CDK16: variants seen among roughly 807,000 people sequenced by gnomAD.
CDK16 encodes the protein cyclin-dependent kinase 16.
In CDK16, 2 loss-of-function variants were observed where a neutral mutation model predicts 41.6. The ratio of observed to expected loss-of-function variants is 0.05; its 90% confidence interval spans 0.02 to 0.15. The LOEUF (loss-of-function observed/expected upper bound fraction) is 0.15. CDK16 is among the 10% of genes least tolerant of loss of function. The pLI is 1.00. For missense variants in CDK16, 228 were observed against 428.9 expected (o/e 0.53, Z 4.14); for synonymous variants, 169 against 169.7 (o/e 1.00, Z 0.03).
intron 1 of CDK16, among the ~76,000 whole-genome samples, chrX:47,221,851 G>T (rs1282395142): frequency 1.8e-5 from 2 of 111,504 alleles, no homozygotes; most frequent in Non-Finnish European, 3.8e-5. Flanking sequence ...GAACTGCTGG[G>T]GGAAGCACCT....
Position 47,218,831 on chromosome X carries a change from C to G in CDK16, c.-281C>G. On this transcript the variant is annotated 5_prime_UTR_variant, in exon 1 of 16. Coordinates refer to ENST00000357227, the MANE Select transcript of CDK16 (RefSeq NM_006201.5). ...GCCGCCGTGAGCACTCGGATTCAAG[C>G]CGGCGCCAACGAGTCCGGGGGCATC... The G allele has an allele frequency of 8.8e-7, 1 of 1,140,764 alleles. No homozygotes were observed. The highest frequency in any genetic ancestry group is 1.2e-6 in the Non-Finnish European group (1 of 864,468). The allele number at this position is 1,140,764 out of a possible 1,213,427, so 94.0% of individuals were successfully genotyped here. A position where few individuals can be genotyped will look rare whatever the true frequency, so the allele number is the denominator to read the frequency against.
rs1346917491 is a variant in CDK16 at position 47,229,078 on chromosome X, A to C, written c.*310A>C. On this transcript the variant is annotated 3_prime_UTR_variant, in exon 16 of 16. Transcript: ENST00000357227. ...CACACTGAGGCCAGGTCTACCCCCC[A>C]TCATACCAGCCCCCAGGACCACTAC... 7.9e-6 allele frequency: 3 copies of C among 379,886 alleles called. No homozygotes were observed. The highest frequency in any genetic ancestry group is 1.4e-5 in the Non-Finnish European group (3 of 210,990). The allele number at this position is 379,886 out of a possible 1,213,427, so 31.3% of individuals were successfully genotyped here.
intron 1 of CDK16, chrX:47,223,183 A>T (rs1458239302): frequency 4.3e-6 from 5 of 1,156,580 alleles, no homozygotes; most frequent in Non-Finnish European, 5.7e-6. Flanking sequence ...TGGGCCCATC[A>T]CTGCAGCTGT....
intron 4 of CDK16, 34 bp downstream of exon 4, chrX:47,224,777 C>T (rs750218615): frequency 4.2e-5 from 51 of 1,209,295 alleles, no homozygotes; most frequent in Non-Finnish European, 5.5e-5. Context: ...TCTCCTTTTT[C>T]TTCTCTCCCA....
Position 47,224,978 on chromosome X carries a change from C to T in CDK16, c.520-10C>T, listed in dbSNP as rs1186476211. 14 of 1,201,536 alleles carry T rather than the reference C, an allele frequency of 1.2e-5. No homozygotes were observed. The highest frequency in any genetic ancestry group is 1.8e-5 in the African/African-American group (1 of 56,634). On this transcript the variant is annotated splice_polypyrimidine_tract_variant and intron_variant, in intron 5 of 15. Transcript: ENST00000357227. ...TAGCACCTCTCCTGTCACACTTCCTCACATTCCAGGGTACCTATGCCACCG... is the reference window on the plus strand; with the variant it reads ...TAGCACCTCTCCTGTCACACTTCCTTACATTCCAGGGTACCTATGCCACCG...
Position 47,229,504 on chromosome X carries a change from C to T in CDK16, c.*736C>T, listed in dbSNP as rs182364342. ...CCACAGCCACTCGCCTTCCTACCCCCGCCCGCCATCCCCAGTTGCAGGGGG... is the reference window on the plus strand; with the variant it reads ...CCACAGCCACTCGCCTTCCTACCCCTGCCCGCCATCCCCAGTTGCAGGGGG... On this transcript the variant is annotated 3_prime_UTR_variant, in exon 16 of 16. Transcript: ENST00000357227. 544 of 266,815 alleles carry T rather than the reference C, an allele frequency of 2.0e-3. 3 individuals are homozygous for T. The East Asian group carries it at 0.045, about 22-fold the overall frequency. 22.0% of individuals were successfully genotyped at this position (266,815 alleles called of 1,213,427 possible). A position where few individuals can be genotyped will look rare whatever the true frequency, so the allele number is the denominator to read the frequency against.
At chrX:47,226,098 G>A (rs1569227750) in intron 8 of CDK16, 71 bp downstream of exon 8, 1 of 1,136,860 alleles carries the variant, frequency 8.8e-7, no homozygotes, top group South Asian at 1.9e-5. Context: ...AAATCTCCCA[G>A]AAACGGACTT....
At chrX:47,226,466 C>T (rs924716455) in intron 9 of CDK16, 64 bp downstream of exon 9, 61 of 1,196,666 alleles carry the variant, frequency 5.1e-5, no homozygotes, top group Non-Finnish European at 6.7e-5. Context: ...ACCACTTAGT[C>T]TCACTTCCCT....
At position 47,224,704 on chromosome X, in the gene CDK16, T is replaced by C; in HGVS notation, c.423T>C (p.Phe141=). The C allele has an allele frequency of 1.7e-6, 2 of 1,211,771 alleles. No homozygotes were observed. The highest frequency in any genetic ancestry group is 2.2e-6 in the Non-Finnish European group (2 of 895,500). ...AGCTGACCCTCAATAGCCCCATCTTTGACAAGCCCCTCAGCCGCCGCCTCC... is the reference window on the plus strand; with the variant it reads ...AGCTGACCCTCAATAGCCCCATCTTCGACAAGCCCCTCAGCCGCCGCCTCC... ...LEKLTLNSPI[F]DKPLSRRLRR... The change falls in exon 4 of 16, where the codon TTT becomes TTC. Residue 141 remains phenylalanine (F), a synonymous_variant. Coordinates refer to ENST00000357227, the MANE Select transcript of CDK16 (RefSeq NM_006201.5).
rs1003733980 is a variant in CDK16, at chrX:47,227,269, T to G, written c.1284+46T>G. 4 of 1,139,277 alleles carry G rather than the reference T, an allele frequency of 3.5e-6. 1 individual carries two copies. In the Admixed American group the frequency reaches 9.2e-5, roughly 26 times the overall value. 93.9% of individuals were successfully genotyped at this position (1,139,277 alleles called of 1,213,427 possible). ...CCTTGGGGGTATGGGATTCCAAGTGTGGGGAAACAGGGACCCCCCCCCTCA... is the reference window on the plus strand; with the variant it reads ...CCTTGGGGGTATGGGATTCCAAGTGGGGGGAAACAGGGACCCCCCCCCTCA... On this transcript the variant is annotated intron_variant, in intron 13 of 15. Coordinates refer to ENST00000357227, the MANE Select transcript of CDK16 (RefSeq NM_006201.5).
At position 47,227,365 on chromosome X, in the gene CDK16, G is replaced by A. The variant is rs184059826; in HGVS notation, c.1285-14G>A. 1.2e-5 allele frequency: 14 copies of A among 1,185,307 alleles called. No individual in the cohort carries two copies. Among genetic ancestry groups the A allele is most frequent in the East Asian group, 3.0e-5 (1 of 33,516 alleles). On this transcript the variant is annotated splice_polypyrimidine_tract_variant and intron_variant, in intron 13 of 15. Transcript: ENST00000357227. ...AGATATCAATACTATCCCCCTCCCC[G>A]CACCCCCACTCAGTTTGAGGGTCGA...
At chrX:47,218,509 G>A, upstream of CDK16, 1 of 917,103 alleles carries the variant, frequency 1.1e-6, no homozygotes, top group Non-Finnish European at 1.4e-6. Context: ...TCACCTAGGC[G>A]CTAGCAAACT....
chrX:47,224,062 G>A (rs1321892933), intron 2 of CDK16, among the ~76,000 whole-genome samples: 1 of 111,280 alleles, frequency 9.0e-6, no homozygotes, highest in Non-Finnish European at 1.9e-5. Flanking sequence ...CAGTCCTCTG[G>A]TACCTGCCTG....
intron 1 of CDK16, chrX:47,222,970 C>CCGGGGAGA: frequency 1.1e-6 from 1 of 875,932 alleles, no homozygotes; most frequent in Non-Finnish European, 1.5e-6. Context: ...CCCCCCCCAC[C>CCGGGGAGA]TGGGTAGATG....
At chrX:47,222,678 G>A (rs1341917649) in intron 1 of CDK16, among the ~76,000 whole-genome samples, 4 of 102,833 alleles carry the variant, frequency 3.9e-5, no homozygotes, top group East Asian at 3.1e-4. Flanking sequence ...GGGGGGGGCC[G>A]TGGGCAAGAG....
At chrX:47,226,506 C>T in intron 9 of CDK16, 77 bp from the exon 10 acceptor site, 1 of 1,194,576 alleles carries the variant, frequency 8.4e-7, no homozygotes, top group Admixed American at 2.2e-5. Context: ...CCTAGGACAC[C>T]CTCAGTCTCA....
At chrX:47,228,525 C>T (rs1341220204) in intron 14 of CDK16, 42 bp from the exon 15 acceptor site, 4 of 1,130,412 alleles carry the variant, frequency 3.5e-6, no homozygotes, top group South Asian at 3.6e-5. Context: ...CCTAGATGAC[C>T]TCATGGGTCA....
In CDK16 at chrX:47,223,541, C is replaced by T. The variant is rs994038845; in HGVS notation, c.-6-11C>T. 5.0e-6 allele frequency: 6 copies of T among 1,207,557 alleles called. No homozygotes were observed. The South Asian group carries it at 1.1e-4, about 21-fold the overall frequency. ...ATAAGAGACCCATTTCCATCCTTGT[C>T]CCTTGCTCAGATCGCCATGGATCGG... is the stretch of plus-strand genomic sequence containing the variant. On this transcript the variant is annotated splice_polypyrimidine_tract_variant and intron_variant, in intron 1 of 15. Transcript: ENST00000357227.
In CDK16 at chrX:47,229,709, G is replaced by C; in HGVS notation, c.*941G>C. 6.1e-6 allele frequency: 1 copy of C among 165,182 alleles called. No homozygotes were observed. The highest frequency in any genetic ancestry group is 1.0e-4 in the South Asian group (1 of 10,023). The allele number at this position is 165,182 out of a possible 1,213,427, so 13.6% of individuals were successfully genotyped here. Reference sequence around the variant, plus strand: ...CCTGCCAGGAACTGACCAGCTCAGCGAGGAGCCATAATGTGCATATGTGCA... The same window carrying C: ...CCTGCCAGGAACTGACCAGCTCAGCCAGGAGCCATAATGTGCATATGTGCA... On this transcript the variant is annotated 3_prime_UTR_variant, in exon 16 of 16. Transcript: ENST00000357227.
Sources: gnomAD v4.1 joint callset for allele counts (sites outside exome capture counted in the v4.1 genomes callset) on GRCh38, gnomAD v4.1.1 for gene constraint, MANE v1.5 for transcripts, NCBI Gene and HGNC (gene_info 2026-07-23, HGNC 2026-07-21) for gene names.